The following PRSS36 variants were observed in gnomAD, a reference collection of about 807,000 sequenced individuals.
PRSS36 encodes the protein serine protease 36.
A neutral mutation model predicts 94.3 loss-of-function variants in PRSS36; 90 were observed. The observed-to-expected ratio is 0.95, with a 90% CI of 0.80 to 1.14. The LOEUF is 1.14. PRSS36 is among the 50% of genes most tolerant of loss of function. The pLI, the probability that PRSS36 is intolerant of heterozygous loss-of-function variation, is 0.00. For missense variants in PRSS36, 1,158 were observed against 1,135.0 expected, an observed-to-expected ratio of 1.02 and a Z score of -0.29; for synonymous variants, 500 against 489.6, an observed-to-expected ratio of 1.02 and a Z score of -0.28.
chr16:31,149,474 G>C lies in PRSS36; in HGVS notation c.98C>G (p.Pro33Arg), dbSNP rs763421561. 1 of 1,614,150 alleles carries C rather than the reference G, an allele frequency of 6.2e-7. No homozygotes were observed. Among genetic ancestry groups the C allele is most frequent in the South Asian group, 1.1e-5 (1 of 91,082 alleles). Residue 33 changes from proline to arginine, a missense_variant, in exon 3 of 15, where the codon CCT (proline) becomes CGT (arginine). Pro to Arg is a moderately radical substitution (Grantham distance 103). Coordinates refer to ENST00000268281, the MANE Select transcript of PRSS36 (RefSeq NM_173502.5). ...GGCCTCTTCCTTACCCAGATCTTCA[G>C]GTTCTTCCTGGGTAGGACTGAGAGC... is the stretch of plus-strand genomic sequence containing the variant. ...DSALSPTQEE[P>R]EDLDCGRPEP...
chr16:31,141,200 G>T (rs1176772755), intron 12 of PRSS36, among the ~76,000 whole-genome samples: 2 of 152,118 alleles, frequency 1.3e-5, no homozygotes, highest in Non-Finnish European at 2.9e-5. Flanking sequence ...AGGATTACAG[G>T]TGTGAACCAT....
intron 12 of PRSS36, 87 bp from the exon 13 acceptor site, chr16:31,140,844 G>A: frequency 2.1e-6 from 3 of 1,431,050 alleles, no homozygotes; most frequent in Non-Finnish European, 2.9e-6. Context: ...GACTCTCTGG[G>A]GTCATGCCAC....
At chr16:31,148,332 G>T in intron 5 of PRSS36, 63 bp downstream of exon 5, 1 of 1,452,904 alleles carries the variant, frequency 6.9e-7, no homozygotes, top group Non-Finnish European at 9.0e-7. Context: ...CCCCGCCCTA[G>T]GAACCTCACC....
rs775144885 is a variant in PRSS36, at chr16:31,149,452, C to G, written c.109+11G>C. The G allele has an allele frequency of 2.5e-6, 4 of 1,614,088 alleles. No homozygotes were observed. The South Asian group carries it at 4.4e-5, about 18-fold the overall frequency. On this transcript the variant is annotated intron_variant, in intron 3 of 14. Coordinates refer to ENST00000268281, the MANE Select transcript of PRSS36 (RefSeq NM_173502.5). ...CTTTAAGGTCTGAGGGTGCCAAGGC[C>G]TCTTCCTTACCCAGATCTTCAGGTT...
intron 6 of PRSS36, among the ~76,000 whole-genome samples, chr16:31,145,236 C>G (rs971412210): frequency 6.7e-6 from 1 of 149,030 alleles, no homozygotes; most frequent in Admixed American, 6.7e-5. Context: ...AGCTGGGCGT[C>G]GTGGCGGGCA....
intron 5 of PRSS36, 35 bp downstream of exon 5, chr16:31,148,360 C>A: frequency 6.6e-7 from 1 of 1,510,710 alleles, no homozygotes; most frequent in South Asian, 1.3e-5. Flanking sequence ...GCCCCACCTC[C>A]CCGAGGCCCT....
chr16:31,140,705 C>T lies in PRSS36; in HGVS notation c.1954G>A (p.Ala652Thr). 6.2e-7 allele frequency: 1 copy of T among 1,614,064 alleles called. No homozygotes were observed. Among genetic ancestry groups the T allele is most frequent in the Non-Finnish European group, 8.5e-7 (1 of 1,179,952 alleles). The change falls in exon 13 of 15, where the codon GCC becomes ACC. Residue 652 changes from alanine to threonine, a missense_variant. Transcript: ENST00000268281. ...YIEVYLGRAG[A>T]SSLPQGHQVS... ...TGGTGGCCCTGTGGGAGGGAGCTGGCCCCTGCCCGGCCCAGATACACTTCA... is the reference window on the plus strand; with the variant it reads ...TGGTGGCCCTGTGGGAGGGAGCTGGTCCCTGCCCGGCCCAGATACACTTCA...
Position 31,145,969 on chromosome 16 carries a change from C to G in PRSS36, c.554-14G>C. 1.9e-6 allele frequency: 3 copies of G among 1,604,438 alleles called. No individual in the cohort carries two copies. Among genetic ancestry groups the G allele is most frequent in the Non-Finnish European group, 1.7e-6 (2 of 1,175,394 alleles). On this transcript the variant is annotated splice_polypyrimidine_tract_variant and intron_variant, in intron 5 of 14. Transcript: ENST00000268281. ...GAGGCAGAGGATCTGGAGGCAGAAC[C>G]AGAGAGCAGGTGCTGTGAGGCAGGT...
Position 31,148,454 on chromosome 16 carries a change from T to C in PRSS36, c.494A>G (p.His165Arg), listed in dbSNP as rs924770657. The C allele has an allele frequency of 7.6e-6, 12 of 1,574,362 alleles. No homozygotes were observed. The highest frequency in any genetic ancestry group is 8.6e-6 in the Non-Finnish European group (10 of 1,167,284). The change falls in exon 5 of 15, where the codon CAC becomes CGC. Residue 165 changes from histidine (H) to arginine (R), a missense_variant. By Grantham distance (29) the His-to-Arg change is conservative. Transcript: ENST00000268281. ...GCAGGCGGTGCCGTGCACGAAGCGG[T>C]GTGAGGCGCGGGGCAGGCAGACAGG... ...VWPVCLPRASHRFVHGTACWA... is the reference protein window; with the variant it reads ...VWPVCLPRASRRFVHGTACWA...
chr16:31,149,986 C>A lies in PRSS36; in HGVS notation c.37+13G>T. ...CCAGGCCCTTTGCAGCCACTCTTGTCCCCTGAGGTTACCAAGCATCACAAG... is the reference window on the plus strand; with the variant it reads ...CCAGGCCCTTTGCAGCCACTCTTGTACCCTGAGGTTACCAAGCATCACAAG... On this transcript the variant is annotated intron_variant, in intron 1 of 14. Coordinates refer to ENST00000268281, the MANE Select transcript of PRSS36 (RefSeq NM_173502.5). The A allele has an allele frequency of 6.2e-7, 1 of 1,613,880 alleles. No individual in the cohort carries two copies. The highest frequency in any genetic ancestry group is 8.5e-7 in the Non-Finnish European group (1 of 1,179,886).
intron 3 of PRSS36, 36 bp downstream of exon 3, chr16:31,149,427 C>T: frequency 1.2e-6 from 2 of 1,612,928 alleles, no homozygotes; most frequent in Non-Finnish European, 1.7e-6. Flanking sequence ...CCTTAGCCTC[C>T]TTTAAGGTCT....
In PRSS36 at chr16:31,139,129, C is replaced by G; in HGVS notation, c.*9G>C. ...GAGAAGGGGGAAGTGGTGCTGGGAC[C>G]CTAGCCCCTCAGCTCTGGATCAGGA... is the stretch of plus-strand genomic sequence containing the variant. On this transcript the variant is annotated 3_prime_UTR_variant, in exon 15 of 15. Transcript: ENST00000268281. The G allele has an allele frequency of 6.5e-7, 1 of 1,538,656 alleles. No individual in the cohort carries two copies. The highest frequency in any genetic ancestry group is 8.8e-7 in the Non-Finnish European group (1 of 1,140,288).
rs561297783 is a variant in PRSS36 at position 31,139,373 on chromosome 16, G to A, written c.2333C>T (p.Ser778Phe). The change falls in exon 15 of 15, where the codon TCC (serine) becomes TTC (phenylalanine). Residue 778 changes from serine to phenylalanine, a missense_variant. By Grantham distance (155) the Ser-to-Phe change is radical (BLOSUM62 -2). Coordinates refer to ENST00000268281, the MANE Select transcript of PRSS36 (RefSeq NM_173502.5). ...AACAGCCATGCCCACGAGGATCCAG[G>A]ACCCTTCCGTCATCTGGCACAGGAG... ...PPLLCQMTEGSWILVGMAVQG... is the reference protein window; with the variant it reads ...PPLLCQMTEGFWILVGMAVQG... 1 of 1,614,142 alleles carries A rather than the reference G, an allele frequency of 6.2e-7. No homozygotes were observed. The highest frequency in any genetic ancestry group is 1.1e-5 in the South Asian group (1 of 91,090).
Position 31,143,455 on chromosome 16 carries a change from C to T in PRSS36, c.987G>A (p.Pro329=). Residue 329 remains proline (P), a synonymous_variant, in exon 8 of 15, where the codon CCG becomes CCA. Coordinates refer to ENST00000268281, the MANE Select transcript of PRSS36 (RefSeq NM_173502.5). ...CCTCCCAGGGCCAGGCCCCTGGCCGCGGGGCCTTCCCGCACTCTGAGGGGT... is the reference window on the plus strand; with the variant it reads ...CCTCCCAGGGCCAGGCCCCTGGCCGTGGGGCCTTCCCGCACTCTGAGGGGT... ...TIALPECGKA[P]RPGAWPWEAQ... The T allele has an allele frequency of 6.2e-7, 1 of 1,609,520 alleles. No individual in the cohort carries two copies. Among genetic ancestry groups the T allele is most frequent in the Non-Finnish European group, 8.5e-7 (1 of 1,177,970 alleles).
Position 31,149,116 on chromosome 16 carries a change from T to C in PRSS36, c.229A>G (p.Ile77Val), listed in dbSNP as rs2057854523. The C allele has an allele frequency of 3.8e-6, 6 of 1,589,016 alleles. No homozygotes were observed. The highest frequency in any genetic ancestry group is 5.1e-6 in the Non-Finnish European group (6 of 1,169,546). Residue 77 changes from isoleucine (I) to valine (V), a missense_variant, in exon 4 of 15, where the codon ATC becomes GTC. Coordinates refer to ENST00000268281, the MANE Select transcript of PRSS36 (RefSeq NM_173502.5). The stretch of plus-strand genomic sequence containing the variant: ...GCGGAGAGGACCCAGGAGGGGGCGA[T>C]GAGGGAGCCCCCGCAGATGTGGCCA... ...GGGHICGGSL[I>V]APSWVLSAAH...
At chr16:31,142,380 C>T (rs577203448) in intron 10 of PRSS36, 101 bp downstream of exon 10, 1 of 1,300,270 alleles carries the variant, frequency 7.7e-7, no homozygotes, top group South Asian at 1.7e-5. Flanking sequence ...CAGGCCCCGC[C>T]CTCTCCCTAG....
At chr16:31,143,294 G>A (rs771601616) in intron 8 of PRSS36, 48 bp downstream of exon 8, 38 of 1,544,138 alleles carry the variant, frequency 2.5e-5, no homozygotes, top group Non-Finnish European at 3.1e-5. Flanking sequence ...GGTATCTCAG[G>A]CTGTAGGGAG....
At chr16:31,149,893 C>T (rs2057872263) in intron 1 of PRSS36, 106 bp downstream of exon 1, 8 of 1,541,714 alleles carry the variant, frequency 5.2e-6, no homozygotes, top group Non-Finnish European at 7.1e-6. Flanking sequence ...TCACTTCCTT[C>T]TCTCTGACTT....
At chr16:31,142,035 G>T in intron 10 of PRSS36, 75 bp from the exon 11 acceptor site, 1 of 1,332,330 alleles carries the variant, frequency 7.5e-7, no homozygotes, top group Non-Finnish European at 1.1e-6. Flanking sequence ...GGGCTTTCCA[G>T]GACTCCAGAT....
Sources: gnomAD v4.1 joint callset for allele counts (sites outside exome capture counted in the v4.1 genomes callset) on GRCh38, gnomAD v4.1.1 for gene constraint, MANE v1.5 for transcripts, NCBI Gene and HGNC (gene_info 2026-07-23, HGNC 2026-07-21) for gene names.